ERP44: variants seen among roughly 807,000 people sequenced by gnomAD.
ERP44 encodes endoplasmic reticulum resident protein 44.
ERP44 carries 25 observed loss-of-function variants against 53.4 expected under a neutral mutation model. The observed-to-expected ratio is 0.47, with a 90% CI of 0.34 to 0.65. The LOEUF (loss-of-function observed/expected upper bound fraction) is 0.65, where lower values mean the gene tolerates loss of function less well. Among genes scored for constraint, ERP44 ranks in the 30% least tolerant of loss-of-function variants. The pLI, the probability that ERP44 is intolerant of heterozygous loss-of-function variation, is 0.01. For synonymous variants in ERP44, 145 were observed against 161.2 expected, an observed-to-expected ratio of 0.90 and a Z score of 0.76; for missense variants, 338 against 493.2, an observed-to-expected ratio of 0.69 and a Z score of 2.98.
intron 10 of ERP44, among the ~76,000 whole-genome samples, chr9:99,996,014 G>T (rs1830306144): frequency 6.6e-6 from 1 of 150,400 alleles, no homozygotes; most frequent in Admixed American, 6.6e-5. Context: ...GTGTGCAAGG[G>T]TTCCCTTTTT....
At chr9:100,067,804 G>A (rs1176012682) in intron 1 of ERP44, among the ~76,000 whole-genome samples, 1 of 151,450 alleles carries the variant, frequency 6.6e-6, no homozygotes, top group African/African-American at 2.4e-5. Flanking sequence ...CTGCCCAGCC[G>A]CCCATCGTCT....
At chr9:100,066,797 G>A (rs990192282) in intron 1 of ERP44, among the ~76,000 whole-genome samples, 1 of 152,156 alleles carries the variant, frequency 6.6e-6, no homozygotes, top group Non-Finnish European at 1.5e-5. Flanking sequence ...TGGCTTCAAG[G>A]AGCAGGAGAT....
intron 1 of ERP44, among the ~76,000 whole-genome samples, chr9:100,092,639 C>T (rs1356195632): frequency 6.6e-6 from 1 of 152,184 alleles, no homozygotes; most frequent in Non-Finnish European, 1.5e-5. Context: ...CTTGTGAGTA[C>T]ATTCATTCTG....
intron 1 of ERP44, among the ~76,000 whole-genome samples, chr9:100,067,164 T>G (rs1172514186): frequency 6.7e-6 from 1 of 148,210 alleles, no homozygotes; most frequent in Non-Finnish European, 1.5e-5. Context: ...TCGCTCTCCC[T>G]CTCGCTCTCC....
chr9:100,096,491 T>G (rs2118768234), intron 1 of ERP44, among the ~76,000 whole-genome samples: 1 of 152,254 alleles, frequency 6.6e-6, no homozygotes, highest in Middle Eastern at 3.4e-3. Context: ...CCAGAAAGGC[T>G]TTGTGGCAGA....
intron 1 of ERP44, among the ~76,000 whole-genome samples, chr9:100,094,316 TA>T (rs550473930): frequency 2.6e-3 from 364 of 142,670 alleles, no homozygotes; most frequent in Middle Eastern, 3.6e-3. Flanking sequence ...CTTGTACCTT[TA>T]AAAAAAAAAA....
intron 1 of ERP44, among the ~76,000 whole-genome samples, chr9:100,095,059 G>A (rs1274918438): frequency 2.0e-5 from 3 of 151,498 alleles, no homozygotes; most frequent in African/African-American, 4.9e-5. Flanking sequence ...TCCAAATATA[G>A]TTAGCTTTAC....
intron 4 of ERP44, among the ~76,000 whole-genome samples, chr9:100,025,353 C>G (rs999136802): frequency 6.6e-6 from 1 of 152,094 alleles, no homozygotes; most frequent in Non-Finnish European, 1.5e-5. Context: ...TAATCTTACT[C>G]AAGAATATAG....
intron 10 of ERP44, among the ~76,000 whole-genome samples, chr9:100,000,168 T>C (rs752645711): frequency 4.6e-5 from 7 of 152,120 alleles, no homozygotes; most frequent in African/African-American, 7.2e-5. Context: ...CAGTGGCTCA[T>C]GTCTCTAATC....
At chr9:100,077,397 C>A (rs1486541445) in intron 1 of ERP44, among the ~76,000 whole-genome samples, 3 of 152,184 alleles carry the variant, frequency 2.0e-5, no homozygotes, top group Admixed American at 6.5e-5. Context: ...AATTACAACG[C>A]CAACTAGGTG....
At chr9:100,009,889 C>T (rs142123069) in intron 8 of ERP44, among the ~76,000 whole-genome samples, 13 of 152,096 alleles carry the variant, frequency 8.5e-5, no homozygotes, top group Admixed American at 2.6e-4. Flanking sequence ...GACGTAATGC[C>T]GCTTCTCTAA....
intron 3 of ERP44, among the ~76,000 whole-genome samples, chr9:100,055,360 G>A (rs1327628382): frequency 1.3e-5 from 2 of 152,088 alleles, no homozygotes; most frequent in Non-Finnish European, 2.9e-5. Context: ...ACCCTGATGT[G>A]TGTTTTTTTT....
chr9:100,087,012 T>TAA (rs56304002), intron 1 of ERP44, among the ~76,000 whole-genome samples: 1 of 116,456 alleles, frequency 8.6e-6, no homozygotes, highest in African/African-American at 4.5e-5. Flanking sequence ...ATTTTATAAA[T>TAA]AAAAAAAAAA....
chr9:100,022,144 G>A lies in ERP44; in HGVS notation c.369C>T (p.Tyr123=). 6.2e-7 allele frequency: 1 copy of A among 1,613,786 alleles called. No individual in the cohort carries two copies. Among genetic ancestry groups the A allele is most frequent in the Non-Finnish European group, 8.5e-7 (1 of 1,179,806 alleles). The part of the protein sequence containing the change: ...FRNGMMMKRE[Y]RGQRSVKALA... ...ATGCTTTCACTGATCGCTGACCCCT[G>A]TATTCTCTCTTCATCATCATCCCAT... The change falls in exon 5 of 12, where the codon TAC becomes TAT. Residue 123 remains tyrosine, a synonymous_variant. Coordinates refer to ENST00000262455, the MANE Select transcript of ERP44 (RefSeq NM_015051.3).
chr9:100,018,366 A>G, intron 6 of ERP44, 53 bp from the exon 7 acceptor site: 1 of 1,032,508 alleles, frequency 9.7e-7, no homozygotes, highest in Non-Finnish European at 1.5e-6. Context: ...TTTGCAATGT[A>G]GGAATTACAG....
chr9:100,095,314 C>T (rs971710394), intron 1 of ERP44, among the ~76,000 whole-genome samples: 11 of 151,960 alleles, frequency 7.2e-5, no homozygotes, highest in African/African-American at 1.9e-4. Context: ...GGATCAGTTT[C>T]CTAAACAAAT....
At chr9:100,044,449 T>C (rs896743376) in intron 4 of ERP44, among the ~76,000 whole-genome samples, 31 of 151,976 alleles carry the variant, frequency 2.0e-4, no homozygotes, top group Non-Finnish European at 1.5e-5. Flanking sequence ...AGTATGAACA[T>C]ATTAAACGAA....
chr9:100,051,985 CA>C (rs1326198729), intron 4 of ERP44, among the ~76,000 whole-genome samples: 1 of 152,062 alleles, frequency 6.6e-6, no homozygotes, highest in East Asian at 1.9e-4. Context: ...CAGAAACACA[CA>C]AAAATCTGAG....
At chr9:99,998,248 C>T in intron 10 of ERP44, 1 of 286,372 alleles carries the variant, frequency 3.5e-6, no homozygotes, top group Non-Finnish European at 6.9e-6. Context: ...GGGTCATTTA[C>T]ACATTTCTGG....
Sources: gnomAD v4.1 joint callset for allele counts (sites outside exome capture counted in the v4.1 genomes callset) on GRCh38, gnomAD v4.1.1 for gene constraint, MANE v1.5 for transcripts, NCBI Gene and HGNC (gene_info 2026-07-23, HGNC 2026-07-21) for gene names.